Variants in CSPP1 observed in about 807,000 individuals in gnomAD.
CSPP1 encodes centrosome and spindle pole associated protein 1, also known as centrosome and spindle pole-associated protein 1.
CSPP1 carries 126 observed loss-of-function variants against 164.4 expected under a neutral mutation model. The ratio of observed to expected loss-of-function variants is 0.77; its 90% CI spans 0.66 to 0.89. CSPP1 has a LOEUF of 0.89. CSPP1 is among the 40% of genes least tolerant of loss of function. The pLI, the probability that CSPP1 is intolerant of heterozygous loss-of-function variation, is 0.00. For synonymous variants in CSPP1, 472 were observed against 476.7 expected (o/e 0.99, Z 0.13); for missense variants, 1,395 against 1,449.8 (o/e 0.96, Z 0.61).
chr8:67,155,613 T>C (rs1826513281), intron 19 of CSPP1, among the ~76,000 whole-genome samples: 1 of 151,958 alleles, frequency 6.6e-6, no homozygotes, highest in Non-Finnish European at 1.5e-5. Flanking sequence ...CTGGGCAACA[T>C]GATGAAACCC....
rs767318500 is a variant in CSPP1 at position 67,132,028 on chromosome 8, C to G, written c.1775C>G (p.Pro592Arg). ...TCAGGATTGATTTTTGAAGATAAAC[C>G]GAAACCTTCCAAACAGTCACTTCAG... ...INSGLIFEDK[P>R]KPSKQSLQSY... Residue 592 changes from proline to arginine, a missense_variant, in exon 16 of 31, where the codon CCG becomes CGG. Transcript: ENST00000678616. 126 of 1,613,392 alleles carry G rather than the reference C, an allele frequency of 7.8e-5. No individual in the cohort carries two copies. Among genetic ancestry groups the G allele is most frequent in the Non-Finnish European group, 1.1e-4 (125 of 1,179,704 alleles).
intron 21 of CSPP1, among the ~76,000 whole-genome samples, chr8:67,160,534 G>GT (rs899425170): frequency 1.0e-4 from 15 of 150,130 alleles, no homozygotes; most frequent in Non-Finnish European, 1.6e-4. Flanking sequence ...AATTTCTTAT[G>GT]TTTTTTAAAA....
chr8:67,113,101 C>G (rs1018303320), intron 10 of CSPP1, among the ~76,000 whole-genome samples: 1 of 152,048 alleles, frequency 6.6e-6, no homozygotes, highest in Non-Finnish European at 1.5e-5. Flanking sequence ...AAAAATTAGC[C>G]GGGCGTGGTG....
At chr8:67,195,358 C>T in intron 30 of CSPP1, 24 bp from the exon 31 acceptor site, 1 of 1,550,260 alleles carries the variant, frequency 6.5e-7, no homozygotes, top group East Asian at 2.2e-5. Flanking sequence ...GTTACCTGAG[C>T]CACGTGTCCC....
intron 15 of CSPP1, 22 bp downstream of exon 15, chr8:67,118,843 T>G: frequency 6.5e-7 from 1 of 1,541,456 alleles, no homozygotes; most frequent in Non-Finnish European, 9.0e-7. Flanking sequence ...GTTAAAAGAA[T>G]AATTTTTTCC....
intron 7 of CSPP1, among the ~76,000 whole-genome samples, chr8:67,098,047 C>T (rs547292096): frequency 2.1e-5 from 3 of 142,102 alleles, no homozygotes; most frequent in South Asian, 2.2e-4. Flanking sequence ...TCCTTATTTC[C>T]AGCAAAAAAA....
chr8:67,105,852 T>C, intron 8 of CSPP1, 53 bp from the exon 9 acceptor site: 1 of 1,060,016 alleles, frequency 9.4e-7, no homozygotes, highest in Non-Finnish European at 1.5e-6. Context: ...TTTTGCTTCC[T>C]GAAAATTATC....
chr8:67,184,052 C>T (rs990323206), intron 28 of CSPP1, among the ~76,000 whole-genome samples: 23 of 152,062 alleles, frequency 1.5e-4, no homozygotes, highest in South Asian at 1.0e-3. Context: ...GGGGTTTCAC[C>T]GTGTTGGCCA....
At chr8:67,116,797 TA>T (rs2129551046) in intron 13 of CSPP1, among the ~76,000 whole-genome samples, 1 of 152,278 alleles carries the variant, frequency 6.6e-6, no homozygotes, top group African/African-American at 2.4e-5. Flanking sequence ...GTATTAATTA[TA>T]AAATATATTT....
chr8:67,157,758 G>C (rs552600450), intron 19 of CSPP1: 1 of 152,336 alleles, frequency 6.6e-6, no homozygotes, highest in African/African-American at 2.4e-5. Flanking sequence ...CATCGGGCGT[G>C]TGGACTATCT....
chr8:67,093,738 T>G, intron 6 of CSPP1, 97 bp downstream of exon 6: 1 of 670,902 alleles, frequency 1.5e-6, no homozygotes. Context: ...TTTTACTTTT[T>G]TTTGTAAATA....
At chr8:67,177,460 A>C (rs904991249) in intron 26 of CSPP1, among the ~76,000 whole-genome samples, 9 of 152,292 alleles carry the variant, frequency 5.9e-5, no homozygotes, top group Admixed American at 3.3e-4. Flanking sequence ...CAATGATTTT[A>C]CTTGTTATGT....
chr8:67,190,506 A>G (rs1835918923), intron 28 of CSPP1, 144 bp from the exon 29 acceptor site: 4 of 626,942 alleles, frequency 6.4e-6, no homozygotes, highest in Non-Finnish European at 1.2e-5. Flanking sequence ...TACTAAAAAA[A>G]TCACCGAACT....
At chr8:67,105,860 A>G (rs1262290817) in intron 8 of CSPP1, 45 bp from the exon 9 acceptor site, 1 of 1,112,564 alleles carries the variant, frequency 9.0e-7, no homozygotes, top group South Asian at 1.3e-5. Flanking sequence ...CCTGAAAATT[A>G]TCTGGATTTT....
At chr8:67,068,080 C>T (rs1220650465) in intron 1 of CSPP1, among the ~76,000 whole-genome samples, 1 of 152,166 alleles carries the variant, frequency 6.6e-6, no homozygotes, top group Non-Finnish European at 1.5e-5. Context: ...AACTCCTAAC[C>T]TCAGGTGATC....
At chr8:67,174,984 G>A (rs1016253539) in intron 25 of CSPP1, 3 of 297,966 alleles carry the variant, frequency 1.0e-5, no homozygotes, top group Non-Finnish European at 1.9e-5. Flanking sequence ...ATACCTGCAC[G>A]TAGTCTGTGT....
intron 7 of CSPP1, among the ~76,000 whole-genome samples, chr8:67,096,012 A>G (rs1463923085): frequency 6.6e-6 from 1 of 152,248 alleles, no homozygotes; most frequent in African/African-American, 2.4e-5. Flanking sequence ...TTCCCACAGA[A>G]AGGGACAGAG....
chr8:67,194,787 G>A (rs539481734), intron 30 of CSPP1, among the ~76,000 whole-genome samples: 11 of 151,940 alleles, frequency 7.2e-5, no homozygotes, highest in South Asian at 2.1e-4. Flanking sequence ...TAGAAGTTGC[G>A]TACAATCAAT....
rs1281353959 is a variant in CSPP1 at position 67,196,535 on chromosome 8, A to C, written c.*942A>C. On this transcript the variant is annotated 3_prime_UTR_variant, in exon 31 of 31. Coordinates refer to ENST00000678616, the MANE Select transcript of CSPP1 (RefSeq NM_001382391.1). ...TCCCCAGGCACTGCTTCTCTCTCTA[A>C]TAATACTTCCTCTGATGTAATTAAC... Among the ~76,000 whole-genome samples, 2 of 152,220 alleles carry C rather than the reference A, an allele frequency of 1.3e-5. No individual in the cohort carries two copies. The highest frequency in any genetic ancestry group is 2.9e-5 in the Non-Finnish European group (2 of 68,040).
Sources: allele counts gnomAD v4.1 joint callset (sites outside exome capture counted in the v4.1 genomes callset), GRCh38; gene constraint gnomAD v4.1.1; transcripts MANE v1.5; gene names NCBI Gene and HGNC (gene_info 2026-07-23, HGNC 2026-07-21).